Variants in SGCD observed in about 807,000 individuals in gnomAD.
The protein encoded by SGCD is delta-sarcoglycan.
Under a neutral mutation model 36.6 loss-of-function variants are expected in SGCD, and 18 were observed. The observed-to-expected ratio is 0.49, with a 90% CI of 0.34 to 0.73. SGCD has a LOEUF of 0.73. Among genes scored for constraint, SGCD ranks in the 30% least tolerant of loss-of-function variants. The pLI is 0.01. For synonymous variants in SGCD, 133 were observed against 130.6 expected (o/e 1.02, Z -0.12); for missense variants, 387 against 346.7 (o/e 1.12, Z -0.92).
chr5:156,558,088 AATATATATATATAT>A lies in SGCD; in HGVS notation c.295-31120_295-31107del, dbSNP rs67339181. On this transcript the variant is annotated intron_variant, in intron 4 of 8. Coordinates refer to ENST00000337851, the MANE Select transcript of SGCD (RefSeq NM_000337.6). ...ACTGAGTGTGTTATTAGTAAATACA[AATATATATATATAT>A]ATATATATATATATATATATATTAT... is the stretch of plus-strand genomic sequence containing the variant. Among the ~76,000 whole-genome samples the A allele has an allele frequency of 0.023, 2,162 of 95,560 alleles. 151 individuals carry two copies. In the East Asian group the frequency reaches 0.24, roughly 10 times the overall value. 62.7% of individuals were successfully genotyped at this position (95,560 alleles called of 152,430 possible).
intron 1 of SGCD, among the ~76,000 whole-genome samples, chr5:155,944,937 G>A (rs999668766): frequency 6.6e-6 from 1 of 152,066 alleles, no homozygotes; most frequent in South Asian, 2.1e-4. Context: ...TAATAAGGGA[G>A]TGTAAATCTC....
intron 1 of SGCD, among the ~76,000 whole-genome samples, chr5:155,914,799 C>T (rs149123635): frequency 5.3e-4 from 80 of 152,286 alleles, no homozygotes; most frequent in African/African-American, 1.9e-3. Flanking sequence ...AATTTCTATA[C>T]TGTTAATGCT....
chr5:156,436,314 G>A (rs1027990515), intron 3 of SGCD, among the ~76,000 whole-genome samples: 1 of 152,192 alleles, frequency 6.6e-6, no homozygotes, highest in South Asian at 2.1e-4. Context: ...CTGAAACATG[G>A]ATAGGCCCAC....
intron 6 of SGCD, among the ~76,000 whole-genome samples, chr5:156,602,143 C>T (rs1417363716): frequency 6.6e-6 from 1 of 150,832 alleles, no homozygotes. Context: ...GTATAGTTTT[C>T]AGTATAGAGA....
chr5:156,327,280 T>C (rs769306939), intron 1 of SGCD, 48 bp downstream of exon 1: 1 of 152,464 alleles, frequency 6.6e-6, no homozygotes, highest in East Asian at 1.9e-4. Flanking sequence ...GTTCACTTTC[T>C]AAGCTATCTG....
chr5:156,654,508 G>A (rs1188330642), intron 7 of SGCD, among the ~76,000 whole-genome samples: 3 of 152,028 alleles, frequency 2.0e-5, no homozygotes, highest in Non-Finnish European at 4.4e-5. Flanking sequence ...TTTCCTTTGG[G>A]GGGGTCCAAA....
intron 3 of SGCD, among the ~76,000 whole-genome samples, chr5:156,143,881 TC>T (rs1395061763): frequency 9.0e-5 from 8 of 88,680 alleles, no homozygotes; most frequent in Non-Finnish European, 1.7e-4. Flanking sequence ...AGGCTATCCC[TC>T]CCCCCTCCCC....
intron 7 of SGCD, among the ~76,000 whole-genome samples, chr5:156,685,532 G>T (rs544477722): frequency 6.6e-6 from 1 of 152,170 alleles, no homozygotes; most frequent in East Asian, 1.9e-4. Flanking sequence ...ATCCTGATGA[G>T]CATCTTTTTG....
chr5:156,606,008 T>C (rs982447749), intron 6 of SGCD, among the ~76,000 whole-genome samples: 10 of 152,240 alleles, frequency 6.6e-5, no homozygotes, highest in African/African-American at 2.4e-4. Flanking sequence ...CCGTTCACTC[T>C]GATGGTAGTT....
At chr5:156,343,855 A>C (rs905662946) in intron 2 of SGCD, among the ~76,000 whole-genome samples, 5 of 152,254 alleles carry the variant, frequency 3.3e-5, no homozygotes, top group Non-Finnish European at 5.9e-5. Flanking sequence ...GAATTGCCTA[A>C]CTCACAAAGA....
intron 7 of SGCD, among the ~76,000 whole-genome samples, chr5:156,690,509 G>A (rs1461021879): frequency 1.3e-5 from 2 of 152,070 alleles, no homozygotes; most frequent in Non-Finnish European, 2.9e-5. Flanking sequence ...TGTACAGCAA[G>A]AAGTCAGACT....
intron 7 of SGCD, among the ~76,000 whole-genome samples, chr5:156,753,914 GA>G (rs1757245490): frequency 6.6e-6 from 1 of 152,198 alleles, no homozygotes; most frequent in Admixed American, 6.5e-5. Flanking sequence ...TATCTCAGTG[GA>G]AAGACTAGCG....
At position 156,296,786 on chromosome 5, in the gene SGCD, G is replaced by A. The variant is rs915835179; in HGVS notation, c.-43-32748G>A. On this transcript the variant is annotated intron_variant, in intron 3 of 9. Transcript: ENST00000517913. The stretch of plus-strand genomic sequence containing the variant: ...CTGTTAAATCTAGTTAGTTTACTGT[G>A]ATGTTCAAGTCCTGTATTTTCTTAT... 2.0e-5 allele frequency among the ~76,000 whole-genome samples: 3 copies of A among 152,042 alleles called. No individual in the cohort carries two copies. The East Asian group carries it at 5.8e-4, about 29-fold the overall frequency.
At chr5:155,760,052 C>CA in the SGCD span, among the ~76,000 whole-genome samples, 1 of 152,152 alleles carries the variant, frequency 6.6e-6, no homozygotes, top group Non-Finnish European at 1.5e-5. Flanking sequence ...TTTATCTCAC[C>CA]ATTGTTATCA....
At chr5:156,557,033 A>G (rs1759052603) in intron 4 of SGCD, among the ~76,000 whole-genome samples, 1 of 152,166 alleles carries the variant, frequency 6.6e-6, no homozygotes, top group Non-Finnish European at 1.5e-5. Flanking sequence ...TAGTTTTAGT[A>G]ATTTCCTGGC....
At chr5:156,337,438 G>A (rs556434162) in intron 2 of SGCD, among the ~76,000 whole-genome samples, 2 of 152,218 alleles carry the variant, frequency 1.3e-5, no homozygotes, top group African/African-American at 4.8e-5. Context: ...AACCTAGGAG[G>A]TGCCCCACCT....
chr5:156,070,106 A>G (rs1760494880), intron 1 of SGCD, among the ~76,000 whole-genome samples: 1 of 149,350 alleles, frequency 6.7e-6, no homozygotes, highest in Non-Finnish European at 1.5e-5. Flanking sequence ...TCTTTTCCTA[A>G]TTGGATACCC....
chr5:155,857,617 T>C, the SGCD span, among the ~76,000 whole-genome samples: 1 of 152,002 alleles, frequency 6.6e-6, no homozygotes, highest in Non-Finnish European at 1.5e-5. Context: ...CACAAGCCAC[T>C]AGGTCACTGG....
At chr5:155,917,186 A>G (rs1265898026) in intron 1 of SGCD, among the ~76,000 whole-genome samples, 2 of 152,060 alleles carry the variant, frequency 1.3e-5, no homozygotes, top group Non-Finnish European at 2.9e-5. Flanking sequence ...TGCACTTCTC[A>G]CCTCTGACTC....
Sources: gnomAD v4.1 joint callset for allele counts (sites outside exome capture counted in the v4.1 genomes callset) on GRCh38, gnomAD v4.1.1 for gene constraint, MANE v1.5 for transcripts, NCBI Gene and HGNC (gene_info 2026-07-23, HGNC 2026-07-21) for gene names.